The following DPH6 variants were observed in gnomAD, a reference collection of about 807,000 sequenced individuals.
DPH6 encodes diphthamine biosynthesis 6, also known as diphthine--ammonia ligase.
DPH6 carries 33 observed loss-of-function variants against 38.2 expected under a neutral mutation model. The ratio of observed to expected loss-of-function variants is 0.86; its 90% CI spans 0.65 to 1.15. DPH6 has a LOEUF of 1.15. Ranked by LOEUF, DPH6 falls within the 50% of genes most tolerant of loss-of-function variation. DPH6 has a pLI of 0.00. For synonymous variants in DPH6, 108 were observed against 103.0 expected (o/e 1.05, Z -0.30); for missense variants, 325 against 320.0 (o/e 1.02, Z -0.12).
At chr15:35,459,993 A>G (rs1158501358) in intron 3 of DPH6, among the ~76,000 whole-genome samples, 1 of 152,350 alleles carries the variant, frequency 6.6e-6, no homozygotes, top group East Asian at 1.9e-4. Flanking sequence ...AAGCTGGTAA[A>G]TAAAACACCA....
chr15:35,231,813 A>G (rs1467610711), intron 3 of DPH6, among the ~76,000 whole-genome samples: 3 of 152,140 alleles, frequency 2.0e-5, no homozygotes, highest in Non-Finnish European at 4.4e-5. Context: ...ACATGGTGAG[A>G]GAGGGAGCAA....
the DPH6 span, among the ~76,000 whole-genome samples, chr15:35,207,986 G>C: frequency 6.6e-6 from 1 of 152,230 alleles, no homozygotes; most frequent in Non-Finnish European, 1.5e-5. Flanking sequence ...ACGATGACCA[G>C]AACTTGTTTT....
Position 35,457,284 on chromosome 15 carries a change from C to T in DPH6, c.313-2464G>A, listed in dbSNP as rs149950010. Among the ~76,000 whole-genome samples the T allele has an allele frequency of 2.0e-5, 3 of 151,964 alleles. No homozygotes were observed. In the East Asian group the frequency reaches 5.9e-4, roughly 30 times the overall value. ...TTATTTTATTTTTTGTTTGATAACACTTAACTAATCAGCACTAAGTAAACT... is the reference window on the plus strand; with the variant it reads ...TTATTTTATTTTTTGTTTGATAACATTTAACTAATCAGCACTAAGTAAACT... On this transcript the variant is annotated intron_variant, in intron 3 of 8. Transcript: ENST00000256538.
chr15:35,298,702 C>G (rs1226274983), intron 3 of DPH6: 44 of 1,580,050 alleles, frequency 2.8e-5, no homozygotes. Context: ...GACCCTGGCC[C>G]TCCCGGAAGC....
chr15:35,401,672 T>C (rs1166813609), intron 6 of DPH6: 7 of 747,840 alleles, frequency 9.4e-6, no homozygotes, highest in African/African-American at 5.1e-5. Context: ...CTGGCTCCTA[T>C]GGTGTTGGAG....
chr15:35,541,055 T>G (rs940650547), intron 2 of DPH6, among the ~76,000 whole-genome samples: 2 of 152,102 alleles, frequency 1.3e-5, no homozygotes, highest in African/African-American at 4.8e-5. Context: ...TCAAAGAATT[T>G]TCTCTTTCTT....
At chr15:35,379,292 GTCT>G (rs1338185278) in intron 7 of DPH6, among the ~76,000 whole-genome samples, 1 of 152,152 alleles carries the variant, frequency 6.6e-6, no homozygotes, top group East Asian at 1.9e-4. Context: ...CTTAGAGGTA[GTCT>G]TCTTTTTTTG....
intron 6 of DPH6, among the ~76,000 whole-genome samples, chr15:35,391,895 C>T (rs554297429): frequency 6.6e-6 from 1 of 152,310 alleles, no homozygotes; most frequent in South Asian, 2.1e-4. Context: ...CCCGGTACCT[C>T]ATTTGGAAAT....
At chr15:35,151,274 C>T in the DPH6 span, among the ~76,000 whole-genome samples, 6 of 143,380 alleles carry the variant, frequency 4.2e-5, no homozygotes, top group South Asian at 2.1e-4. Context: ...TAAAATGTAA[C>T]GTGCATTCAA....
chr15:35,354,253 C>A (rs2052540541), intron 3 of DPH6, among the ~76,000 whole-genome samples: 1 of 152,096 alleles, frequency 6.6e-6, no homozygotes, highest in Non-Finnish European at 1.5e-5. Context: ...TCCTCTTTTC[C>A]TAATTGGATA....
intron 3 of DPH6, among the ~76,000 whole-genome samples, chr15:35,316,010 T>A (rs1450008165): frequency 6.6e-6 from 1 of 151,550 alleles, no homozygotes; most frequent in Admixed American, 6.6e-5. Flanking sequence ...AGATATAGAG[T>A]AGATTGGTGG....
At chr15:35,165,788 T>C in the DPH6 span, among the ~76,000 whole-genome samples, 3 of 151,942 alleles carry the variant, frequency 2.0e-5, no homozygotes, top group Non-Finnish European at 2.9e-5. Flanking sequence ...TCTTAGTATA[T>C]AATTCTGAAC....
intron 5 of DPH6, among the ~76,000 whole-genome samples, chr15:35,430,393 G>GA (rs562833474): frequency 0.087 from 11,985 of 137,558 alleles, 1,297 homozygotes; most frequent in African/African-American, 0.26. Flanking sequence ...CCTTCATACT[G>GA]AAAAAAAAAA....
chr15:35,313,176 T>G (rs992110242), intron 3 of DPH6, among the ~76,000 whole-genome samples: 1 of 151,726 alleles, frequency 6.6e-6, no homozygotes, highest in Non-Finnish European at 1.5e-5. Context: ...GAGGCTACAG[T>G]GAGGTGAGAT....
Position 35,437,182 on chromosome 15 carries a change from C to G in DPH6, c.505+13503G>C, listed in dbSNP as rs557780121. 2.6e-5 allele frequency among the ~76,000 whole-genome samples: 4 copies of G among 152,210 alleles called. No individual in the cohort carries two copies. In the East Asian group the frequency reaches 7.8e-4, roughly 30 times the overall value. Reference sequence around the variant, plus strand: ...CTCTCCCTCACATATCCACGGTATTCACTAGGAAGAAAATGGAACCAGGAA... The same window carrying G: ...CTCTCCCTCACATATCCACGGTATTGACTAGGAAGAAAATGGAACCAGGAA... On this transcript the variant is annotated intron_variant, in intron 5 of 8. Transcript: ENST00000256538.
intron 3 of DPH6, among the ~76,000 whole-genome samples, chr15:35,357,659 C>T (rs2052576388): frequency 6.6e-6 from 1 of 152,160 alleles, no homozygotes; most frequent in African/African-American, 2.4e-5. Context: ...TCACTGGATA[C>T]AAAATTCTTG....
intron 3 of DPH6, among the ~76,000 whole-genome samples, chr15:35,523,293 G>C (rs1339193368): frequency 8.4e-6 from 1 of 118,870 alleles, no homozygotes; most frequent in Non-Finnish European, 1.7e-5. Context: ...TGAAATGCCT[G>C]TTCATATCCT....
At chr15:35,517,447 G>C (rs2054862423) in intron 3 of DPH6, among the ~76,000 whole-genome samples, 2 of 151,798 alleles carry the variant, frequency 1.3e-5, no homozygotes. Context: ...TTTTTTCTTT[G>C]GTAGACAGCA....
At chr15:35,329,371 A>G (rs2052309755), downstream of DPH6, among the ~76,000 whole-genome samples, 1 of 152,156 alleles carries the variant, frequency 6.6e-6, no homozygotes, top group Non-Finnish European at 1.5e-5. Flanking sequence ...TTAATGAAAG[A>G]CAAGCATTCT....
Sources: gnomAD v4.1 joint callset for allele counts (sites outside exome capture counted in the v4.1 genomes callset) on GRCh38, gnomAD v4.1.1 for gene constraint, MANE v1.5 for transcripts, NCBI Gene and HGNC (gene_info 2026-07-23, HGNC 2026-07-21) for gene names.